B4GALT4: variants seen among roughly 807,000 people sequenced by gnomAD.
B4GALT4 encodes N-acetyllactosamine synthase.
In B4GALT4, 27 loss-of-function variants were observed where a neutral mutation model predicts 37.3. The observed-to-expected ratio is 0.72, with a 90% CI of 0.53 to 1.00. The LOEUF is 1.00. B4GALT4 is among the 50% of genes least tolerant of loss of function. B4GALT4 has a pLI of 0.00. For synonymous variants in B4GALT4, 148 were observed against 154.1 expected (o/e 0.96, Z 0.29); for missense variants, 372 against 413.1 (o/e 0.90, Z 0.86).
chr3:119,221,169 TAA>T (rs2078439165), intron 5 of B4GALT4, among the ~76,000 whole-genome samples: 1 of 152,244 alleles, frequency 6.6e-6, no homozygotes, highest in East Asian at 1.9e-4. Context: ...AACGTAGTCA[TAA>T]AATAACAATA....
rs1367778842 is a variant in B4GALT4, at chr3:119,224,199, T to G, written c.533A>C (p.Tyr178Ser). ...ATTTTCTTCCTTGAGGGCTTCTAGATAGCCCACATTCAAGAGTTTGGCTCG... is the reference window on the plus strand; with the variant it reads ...ATTTTCTTCCTTGAGGGCTTCTAGAGAGCCCACATTCAAGAGTTTGGCTCG... Reference protein sequence around the residue: ...FNRAKLLNVGYLEALKEENWD... With the variant: ...FNRAKLLNVGSLEALKEENWD... Residue 178 changes from tyrosine (Y) to serine (S), a missense_variant, in exon 5 of 8, where the codon TAT (tyrosine) becomes TCT (serine). Transcript: ENST00000393765. 6 of 1,613,398 alleles carry G rather than the reference T, an allele frequency of 3.7e-6. No homozygotes were observed. Among genetic ancestry groups the G allele is most frequent in the Non-Finnish European group, 1.7e-6 (2 of 1,179,818 alleles).
At chr3:119,222,117 T>C (rs1209639435) in intron 5 of B4GALT4, among the ~76,000 whole-genome samples, 1 of 152,166 alleles carries the variant, frequency 6.6e-6, no homozygotes, top group Admixed American at 6.5e-5. Flanking sequence ...TGCTTAGAAA[T>C]GAATGGTGCA....
At chr3:119,240,082 G>A (rs2079105448) in intron 1 of B4GALT4, 1 of 151,186 alleles carries the variant, frequency 6.6e-6, no homozygotes, top group African/African-American at 2.4e-5. Context: ...AACGGCTGAG[G>A]AGGTCTACCA....
intron 5 of B4GALT4, among the ~76,000 whole-genome samples, chr3:119,222,533 C>T (rs573385339): frequency 1.3e-5 from 2 of 152,270 alleles, no homozygotes; most frequent in East Asian, 3.9e-4. Context: ...TTTCTCCCAT[C>T]CTTCCCCAGC....
At chr3:119,226,666 T>G in intron 4 of B4GALT4, 143 bp downstream of exon 4, 1 of 724,380 alleles carries the variant, frequency 1.4e-6, no homozygotes, top group South Asian at 1.9e-5. Flanking sequence ...CTCTACTCCT[T>G]TCAAGGATAA....
intron 2 of B4GALT4, among the ~76,000 whole-genome samples, chr3:119,234,594 A>C (rs1253630020): frequency 2.0e-5 from 3 of 152,186 alleles, no homozygotes; most frequent in Non-Finnish European, 4.4e-5. Flanking sequence ...AATTAGAAAA[A>C]CATAATGACT....
rs1159844554 is a variant in B4GALT4, at chr3:119,218,771, A to C, written c.676T>G (p.Leu226Val). The change falls in exon 6 of 8, where the codon TTA becomes GTA. Residue 226 changes from leucine to valine, a missense_variant and splice_region_variant. By Grantham distance (32) the Leu-to-Val change is conservative. Coordinates refer to ENST00000393765, the MANE Select transcript of B4GALT4 (RefSeq NM_003778.4). ...CCCCCAAAATATCCACTGTAACGTA[A>C]CCTGGAGCAAAAGAGATGAGAGAAA... The part of the protein sequence containing the change: ...VVGRNSTGYR[L>V]RYSGYFGGVT... The C allele has an allele frequency of 6.2e-7, 1 of 1,613,906 alleles. No individual in the cohort carries two copies. The highest frequency in any genetic ancestry group is 8.5e-7 in the Non-Finnish European group (1 of 1,180,002).
intron 5 of B4GALT4, among the ~76,000 whole-genome samples, chr3:119,223,794 G>T (rs1279224617): frequency 6.6e-6 from 1 of 152,208 alleles, no homozygotes; most frequent in Admixed American, 6.5e-5. Context: ...GGCGCTGCGG[G>T]TGAGACTGGC....
At chr3:119,217,660 G>A (rs940279476) in intron 6 of B4GALT4, among the ~76,000 whole-genome samples, 3 of 152,012 alleles carry the variant, frequency 2.0e-5, no homozygotes, top group Non-Finnish European at 2.9e-5. Flanking sequence ...GGCCAATATG[G>A]TGAAACCTGG....
chr3:119,218,540 C>A, intron 6 of B4GALT4, 110 bp downstream of exon 6: 2 of 1,482,160 alleles, frequency 1.3e-6, no homozygotes, highest in African/African-American at 1.4e-5. Flanking sequence ...CCCAAATCTG[C>A]AGCCTAGTGA....
chr3:119,226,155 A>G (rs2078611918), intron 4 of B4GALT4, among the ~76,000 whole-genome samples: 1 of 152,190 alleles, frequency 6.6e-6, no homozygotes, highest in African/African-American at 2.4e-5. Context: ...TTTTCTTTCA[A>G]TAAACTTTAA....
chr3:119,226,601 A>T, intron 4 of B4GALT4: 1 of 571,188 alleles, frequency 1.8e-6, no homozygotes, highest in Non-Finnish European at 3.1e-6. Flanking sequence ...CTTTAAGGGC[A>T]GTAAAATTTC....
At chr3:119,224,345 T>A in intron 4 of B4GALT4, 100 bp from the exon 5 acceptor site, 3 of 800,968 alleles carry the variant, frequency 3.7e-6, no homozygotes, top group South Asian at 2.6e-5. Flanking sequence ...TTCTAATTAT[T>A]CTACGCACGA....
At chr3:119,223,711 G>A (rs947125792) in intron 5 of B4GALT4, among the ~76,000 whole-genome samples, 2 of 152,126 alleles carry the variant, frequency 1.3e-5, no homozygotes, top group African/African-American at 4.8e-5. Flanking sequence ...CCTAGAGGGG[G>A]AGTCAGGAAT....
chr3:119,222,156 G>A (rs1468063837), intron 5 of B4GALT4, among the ~76,000 whole-genome samples: 7 of 152,292 alleles, frequency 4.6e-5, no homozygotes, highest in African/African-American at 1.4e-4. Context: ...TCTGGGCAAT[G>A]GGAAGTTTAA....
chr3:119,232,969 A>T (rs2078869228), intron 2 of B4GALT4: 1 of 152,076 alleles, frequency 6.6e-6, no homozygotes, highest in South Asian at 2.1e-4. Context: ...CACTACGCCC[A>T]GTTAATTTTT....
intron 3 of B4GALT4, among the ~76,000 whole-genome samples, chr3:119,227,266 T>G (rs1053208890): frequency 6.6e-6 from 1 of 152,178 alleles, no homozygotes; most frequent in Admixed American, 6.5e-5. Flanking sequence ...ATATATAATA[T>G]AAGCATTTCC....
chr3:119,227,626 A>G (rs1485686409), intron 3 of B4GALT4, among the ~76,000 whole-genome samples: 1 of 152,230 alleles, frequency 6.6e-6, no homozygotes, highest in Non-Finnish European at 1.5e-5. Flanking sequence ...TGCCACCACA[A>G]CAGACGTTTC....
In B4GALT4 at chr3:119,224,141, C is replaced by T; in HGVS notation, c.591G>A (p.Leu197=). 4 of 1,614,102 alleles carry T rather than the reference C, an allele frequency of 2.5e-6. No homozygotes were observed. Among genetic ancestry groups the T allele is most frequent in the Non-Finnish European group, 3.4e-6 (4 of 1,180,006 alleles). ...WDCFIFHDVD[L]VPENDFNLYK... ...AAAGGTTAAAGTCATTCTCGGGTACCAGGTCCACATCGTGGAATATAAAGC... is the reference window on the plus strand; with the variant it reads ...AAAGGTTAAAGTCATTCTCGGGTACTAGGTCCACATCGTGGAATATAAAGC... The change falls in exon 5 of 8, where the codon CTG becomes CTA. Residue 197 remains leucine (L), a synonymous_variant. Coordinates refer to ENST00000393765, the MANE Select transcript of B4GALT4 (RefSeq NM_003778.4).
Sources: allele counts gnomAD v4.1 joint callset (sites outside exome capture counted in the v4.1 genomes callset), GRCh38; gene constraint gnomAD v4.1.1; transcripts MANE v1.5; gene names NCBI Gene and HGNC (gene_info 2026-07-23, HGNC 2026-07-21).